Variants in TBL1Y observed in about 807,000 individuals in gnomAD.
The protein encoded by TBL1Y is transducin beta like 1 Y-linked, also known as F-box-like/WD repeat-containing protein TBL1Y.
In TBL1Y, 15 loss-of-function variants were observed where a neutral mutation model predicts 12.0. The ratio of observed to expected loss-of-function variants is 1.25; its 90% CI spans 0.83 to 1.92. TBL1Y has a LOEUF of 1.92. TBL1Y is among the 40% of genes most tolerant of loss of function. The pLI is 0.00. For synonymous variants in TBL1Y, 53 were observed against 42.6 expected, an observed-to-expected ratio of 1.24 and a Z score of -0.95; for missense variants, 148 against 116.7, an observed-to-expected ratio of 1.27 and a Z score of -1.24.
intron 3 of TBL1Y, among the ~76,000 whole-genome samples, chrY:6,993,416 G>C: frequency 3.3e-5 from 1 of 30,555 alleles, no homozygotes; most frequent in Non-Finnish European, 7.7e-5. Flanking sequence ...TAAGTCCCAA[G>C]ATGTGCAGGA....
At chrY:7,042,156 G>A (rs907782177) in intron 6 of TBL1Y, among the ~76,000 whole-genome samples, 5 of 32,712 alleles carry the variant, frequency 1.5e-4, no homozygotes, top group Admixed American at 2.8e-4. Flanking sequence ...TGGACTTTGG[G>A]TTGTAATGCA....
chrY:7,002,710 A>C, intron 4 of TBL1Y, among the ~76,000 whole-genome samples: 1 of 34,201 alleles, frequency 2.9e-5, no homozygotes, highest in Non-Finnish European at 7.3e-5. Context: ...ATCTTGAGGC[A>C]GGCACTGTGT....
At chrY:7,032,034 A>T in intron 6 of TBL1Y, among the ~76,000 whole-genome samples, 2 of 33,501 alleles carry the variant, frequency 6.0e-5, no homozygotes, top group Non-Finnish European at 1.5e-4. Context: ...GTATGAATGC[A>T]CCTAATGCCT....
chrY:7,013,093 C>T (rs770416789), intron 4 of TBL1Y, among the ~76,000 whole-genome samples: 2 of 34,340 alleles, frequency 5.8e-5, no homozygotes, highest in East Asian at 1.6e-3. Flanking sequence ...CACTGGAGCA[C>T]TGCCTAGTGG....
chrY:7,054,621 G>T (rs2012816710), intron 7 of TBL1Y, among the ~76,000 whole-genome samples: 1 of 33,988 alleles, frequency 2.9e-5, no homozygotes, highest in Non-Finnish European at 7.3e-5. Context: ...CAGACCTACC[G>T]CTGACTTCCA....
Position 7,086,325 on chromosome Y carries a change from T to C in TBL1Y, c.1188T>C (p.Asp396=), listed in dbSNP as rs772844203. 1 of 384,134 alleles carries C rather than the reference T, an allele frequency of 2.6e-6. No individual in the cohort carries two copies. Among genetic ancestry groups the C allele is most frequent in the Non-Finnish European group, 3.6e-6 (1 of 275,210 alleles). ...WSMKQDACVH[D]LQAHSKEIYT... ...TGAAGCAGGATGCATGCGTCCACGA[T>C]CTTCAGGCTCACAGCAAAGAGATCT... is the stretch of plus-strand genomic sequence containing the variant. The change falls in exon 16 of 19, where the codon GAT becomes GAC. Residue 396 remains aspartate, a synonymous_variant. Transcript: ENST00000383032.
chrY:7,020,480 C>T, intron 4 of TBL1Y, among the ~76,000 whole-genome samples: 2 of 32,663 alleles, frequency 6.1e-5, no homozygotes, highest in East Asian at 8.0e-4. Flanking sequence ...ACTCAGGAAG[C>T]GAGGCAGGAG....
At chrY:7,067,270 A>C in intron 8 of TBL1Y, among the ~76,000 whole-genome samples, 2 of 33,340 alleles carry the variant, frequency 6.0e-5, no homozygotes, top group Non-Finnish European at 1.5e-4. Flanking sequence ...AGTTCAAGAC[A>C]ACATAGCAAG....
chrY:7,044,006 G>T, intron 7 of TBL1Y, among the ~76,000 whole-genome samples: 1 of 32,844 alleles, frequency 3.0e-5, no homozygotes, highest in East Asian at 8.1e-4. Context: ...GCACTTGGCT[G>T]GTATCCCATC....
intron 6 of TBL1Y, among the ~76,000 whole-genome samples, chrY:7,038,042 C>A: frequency 2.9e-5 from 1 of 34,018 alleles, no homozygotes; most frequent in Non-Finnish European, 7.3e-5. Flanking sequence ...CACTGTACAA[C>A]TGAAATGGTT....
chrY:6,923,565 C>G (rs2011797780), intron 2 of TBL1Y, among the ~76,000 whole-genome samples: 1 of 32,672 alleles, frequency 3.1e-5, no homozygotes, highest in South Asian at 7.4e-4. Context: ...CCAGGCTGGA[C>G]TGCAGTAGTG....
chrY:6,954,194 T>TCAGACAGTGACAGAAC (rs2012052733), intron 2 of TBL1Y, among the ~76,000 whole-genome samples: 4 of 33,972 alleles, frequency 1.2e-4, no homozygotes, highest in Admixed American at 7.9e-4. Flanking sequence ...ACTGCTCTCT[T>TCAGACAGTGACAGAAC]CAAAGCTGTC....
At chrY:7,077,606 G>A (rs2013068665) in intron 13 of TBL1Y, among the ~76,000 whole-genome samples, 3 of 33,906 alleles carry the variant, frequency 8.8e-5, no homozygotes, top group Admixed American at 8.1e-4. Context: ...CTAGGAAAAT[G>A]GGTCAAGAAC....
intron 7 of TBL1Y, among the ~76,000 whole-genome samples, chrY:7,061,545 TTC>T (rs1285191413): frequency 1.6e-3 from 50 of 30,755 alleles, no homozygotes; most frequent in South Asian, 6.8e-3. Flanking sequence ...TCCTCTCTCT[TTC>T]TCTCTCTCTC....
Position 7,087,286 on chromosome Y carries a change from G to C in TBL1Y, c.1300G>C (p.Val434Leu), listed in dbSNP as rs762830523. 2.0e-4 allele frequency: 76 copies of C among 387,636 alleles called. No individual in the cohort carries two copies. Among genetic ancestry groups the C allele is most frequent in the Non-Finnish European group, 2.5e-4 (71 of 279,715 alleles). The change falls in exon 17 of 19, where the codon GTG becomes CTG. Residue 434 changes from valine to leucine, a missense_variant. Physicochemically the swap from Val to Leu is conservative, Grantham distance 32. Coordinates refer to ENST00000383032, the MANE Select transcript of TBL1Y (RefSeq NM_033284.2). ...TCCTAGTGCTTCATTTGATTCTACA[G>C]TGCGACTGTGGGATGTGGAGCAAGG... ...MLASASFDST[V>L]RLWDVEQGVC...
intron 6 of TBL1Y, among the ~76,000 whole-genome samples, chrY:7,032,136 A>C: frequency 6.1e-5 from 2 of 32,784 alleles, no homozygotes; most frequent in South Asian, 1.4e-3. Context: ...GCAACATAGC[A>C]ACACCCTATC....
chrY:7,076,772 T>G, intron 13 of TBL1Y, among the ~76,000 whole-genome samples: 1 of 29,300 alleles, frequency 3.4e-5, no homozygotes, highest in South Asian at 8.4e-4. Flanking sequence ...GACCTGGTGG[T>G]GGGCACCTGC....
At chrY:6,959,203 C>T (rs2012101215) in intron 2 of TBL1Y, among the ~76,000 whole-genome samples, 1 of 33,640 alleles carries the variant, frequency 3.0e-5, no homozygotes, top group African/African-American at 1.2e-4. Context: ...ACATCCTGCA[C>T]AGCCCTAGAT....
intron 2 of TBL1Y, among the ~76,000 whole-genome samples, chrY:6,975,923 G>A (rs2012237090): frequency 3.2e-5 from 1 of 31,562 alleles, no homozygotes; most frequent in East Asian, 8.4e-4. Context: ...GTGTGTGTGT[G>A]TGTGTGAGTG....
Sources: gnomAD v4.1 joint callset for allele counts (sites outside exome capture counted in the v4.1 genomes callset) on GRCh38, gnomAD v4.1.1 for gene constraint, MANE v1.5 for transcripts, NCBI Gene and HGNC (gene_info 2026-07-23, HGNC 2026-07-21) for gene names.